GAREM1: variants seen among roughly 807,000 people sequenced by gnomAD.
The protein encoded by GAREM1 is GRB2-associated and regulator of MAPK protein 1.
Under a neutral mutation model 71.3 loss-of-function variants are expected in GAREM1, and 26 were observed. That is an observed-to-expected ratio of 0.36 (90% confidence interval 0.27 to 0.51). GAREM1 has a LOEUF of 0.51. Ranked by LOEUF, GAREM1 falls within the 20% of genes least tolerant of loss-of-function variation. The pLI is 0.95. For synonymous variants in GAREM1, 440 were observed against 433.2 expected (o/e 1.02, Z -0.20); for missense variants, 1,026 against 1,103.1 (o/e 0.93, Z 0.99).
intron 1 of GAREM1, among the ~76,000 whole-genome samples, chr18:32,419,925 T>C (rs1437148646): frequency 1.3e-5 from 2 of 152,152 alleles, no homozygotes; most frequent in Non-Finnish European, 2.9e-5. Context: ...TACTTTGAGA[T>C]ATTATGATAC....
chr18:32,329,576 C>T (rs2047510075), intron 2 of GAREM1, among the ~76,000 whole-genome samples: 1 of 151,508 alleles, frequency 6.6e-6, no homozygotes, highest in Non-Finnish European at 1.5e-5. Context: ...TGTGGTGGCG[C>T]ATGCCTGTAG....
intron 1 of GAREM1, among the ~76,000 whole-genome samples, chr18:32,398,957 G>C (rs995865252): frequency 6.7e-6 from 1 of 149,972 alleles, no homozygotes; most frequent in South Asian, 2.1e-4. Flanking sequence ...ACATCAAAAA[G>C]AAGGCTTATC....
intron 2 of GAREM1, among the ~76,000 whole-genome samples, chr18:32,353,660 A>T (rs1269708560): frequency 6.6e-6 from 1 of 152,230 alleles, no homozygotes; most frequent in Non-Finnish European, 1.5e-5. Context: ...GATGAGTCAT[A>T]AAAGGAGAAA....
chr18:32,284,437 C>T (rs77346534), intron 4 of GAREM1, among the ~76,000 whole-genome samples: 2,372 of 152,236 alleles, frequency 0.016, 64 homozygotes, highest in African/African-American at 0.053. Flanking sequence ...AAGGGCAAAG[C>T]TGGACCTCTT....
intron 2 of GAREM1, among the ~76,000 whole-genome samples, chr18:32,314,090 GTTTTT>G (rs59416892): frequency 1.4e-5 from 2 of 141,940 alleles, no homozygotes; most frequent in African/African-American, 5.2e-5. Context: ...GACAAAAAAA[GTTTTT>G]TTTTTTTTTA....
At chr18:32,308,949 T>G (rs534343342) in intron 3 of GAREM1, among the ~76,000 whole-genome samples, 1 of 149,698 alleles carries the variant, frequency 6.7e-6, no homozygotes, top group South Asian at 2.1e-4. Context: ...TCCTGAAGAG[T>G]GTGGGTGGAA....
chr18:32,319,887 A>C (rs147550968), intron 2 of GAREM1, among the ~76,000 whole-genome samples: 13 of 152,328 alleles, frequency 8.5e-5, no homozygotes, highest in Non-Finnish European at 1.5e-4. Flanking sequence ...TGCATATACC[A>C]TAACTAATTT....
chr18:32,466,583 C>G (rs1247152327), intron 1 of GAREM1, among the ~76,000 whole-genome samples: 2 of 152,138 alleles, frequency 1.3e-5, no homozygotes, highest in Non-Finnish European at 2.9e-5. Flanking sequence ...AAGAATGCTA[C>G]TCTAACACAA....
chr18:32,346,391 A>G (rs113050857), intron 2 of GAREM1, among the ~76,000 whole-genome samples: 3 of 152,226 alleles, frequency 2.0e-5, no homozygotes, highest in African/African-American at 7.2e-5. Context: ...TACCATTACA[A>G]TTGGACCATC....
intron 2 of GAREM1, among the ~76,000 whole-genome samples, chr18:32,317,745 A>G (rs1294605969): frequency 4.7e-5 from 7 of 148,366 alleles, no homozygotes; most frequent in African/African-American, 1.7e-4. Context: ...AGCCAACGTT[A>G]AGTACTCTGG....
chr18:32,376,063 A>T (rs1174460629), intron 2 of GAREM1, among the ~76,000 whole-genome samples: 1 of 152,246 alleles, frequency 6.6e-6, no homozygotes, highest in East Asian at 1.9e-4. Context: ...CAAATGGCTG[A>T]ATTAAAAGTA....
intron 2 of GAREM1, among the ~76,000 whole-genome samples, chr18:32,384,614 C>G (rs1377542194): frequency 6.6e-6 from 1 of 152,152 alleles, no homozygotes; most frequent in Non-Finnish European, 1.5e-5. Context: ...ACATTTCACC[C>G]TTAAATAATT....
At chr18:32,455,388 G>A (rs912240415) in intron 1 of GAREM1, among the ~76,000 whole-genome samples, 12 of 152,130 alleles carry the variant, frequency 7.9e-5, no homozygotes, top group African/African-American at 2.7e-4. Flanking sequence ...CATACATTGA[G>A]AATAGCATGT....
At chr18:32,430,984 CAG>C (rs2048618999) in intron 1 of GAREM1, among the ~76,000 whole-genome samples, 1 of 152,136 alleles carries the variant, frequency 6.6e-6, no homozygotes, top group East Asian at 1.9e-4. Flanking sequence ...AGGAGTTCAA[CAG>C]AGTGATCCTA....
intron 2 of GAREM1, among the ~76,000 whole-genome samples, chr18:32,358,588 T>C (rs2047829169): frequency 6.6e-6 from 1 of 152,156 alleles, no homozygotes; most frequent in Admixed American, 6.5e-5. Context: ...AAAATAACCT[T>C]TTCCCACACC....
chr18:32,410,798 G>C (rs1046116415), intron 1 of GAREM1, among the ~76,000 whole-genome samples: 1 of 152,016 alleles, frequency 6.6e-6, no homozygotes, highest in Admixed American at 6.6e-5. Flanking sequence ...ATACGACTTC[G>C]GTTTTTTGTT....
At chr18:32,456,821 T>C (rs2048894095) in intron 1 of GAREM1, among the ~76,000 whole-genome samples, 1 of 152,076 alleles carries the variant, frequency 6.6e-6, no homozygotes, top group Admixed American at 6.6e-5. Flanking sequence ...AATAAAAGAA[T>C]GAGTATTTTC....
intron 2 of GAREM1, among the ~76,000 whole-genome samples, chr18:32,378,063 C>T (rs963873384): frequency 1.5e-4 from 19 of 129,278 alleles, no homozygotes; most frequent in South Asian, 2.3e-4. Flanking sequence ...TGTGTGCGCG[C>T]GGGCGCTTTG....
At chr18:32,421,161 T>A (rs2048516233) in intron 1 of GAREM1, among the ~76,000 whole-genome samples, 1 of 152,344 alleles carries the variant, frequency 6.6e-6, no homozygotes, top group Non-Finnish European at 1.5e-5. Context: ...CTTAACCCAC[T>A]TCCCTCATCA....
Sources: gnomAD v4.1 joint callset for allele counts (sites outside exome capture counted in the v4.1 genomes callset) on GRCh38, gnomAD v4.1.1 for gene constraint, MANE v1.5 for transcripts, NCBI Gene and HGNC (gene_info 2026-07-23, HGNC 2026-07-21) for gene names.